SYNE2: variants seen among roughly 807,000 people sequenced by gnomAD.
SYNE2 encodes spectrin repeat containing nuclear envelope protein 2, also known as nesprin-2.
Under a neutral mutation model 856.3 loss-of-function variants are expected in SYNE2, and 431 were observed. That is an observed-to-expected ratio of 0.50 (90% CI 0.47 to 0.55). SYNE2 has a LOEUF of 0.55. Among genes scored for constraint, SYNE2 ranks in the 20% least tolerant of loss-of-function variants. The pLI is 0.00. For missense variants in SYNE2, 8,129 were observed against 8,023.2 expected, an observed-to-expected ratio of 1.01 and a Z score of -0.50; for synonymous variants, 2,923 against 2,872.3, an observed-to-expected ratio of 1.02 and a Z score of -0.56.
intron 1 of SYNE2, among the ~76,000 whole-genome samples, chr14:63,872,664 A>G (rs1252574635): frequency 6.7e-6 from 1 of 149,764 alleles, no homozygotes; most frequent in African/African-American, 2.5e-5. Context: ...TGGGAATCTG[A>G]GGCAGGAGAA....
intron 65 of SYNE2, among the ~76,000 whole-genome samples, chr14:64,107,975 T>C (rs1482350470): frequency 2.0e-5 from 3 of 152,220 alleles, no homozygotes; most frequent in African/African-American, 7.2e-5. Context: ...TAGTTATCTG[T>C]TTAACCCTCA....
intron 1 of SYNE2, among the ~76,000 whole-genome samples, chr14:63,804,051 C>A (rs116492066): frequency 0.02 from 3,098 of 152,278 alleles, 120 homozygotes; most frequent in African/African-American, 0.072. Flanking sequence ...TTCCCATTCA[C>A]CTTCTGCCAT....
At chr14:64,033,634 C>T (rs867309659) in intron 45 of SYNE2, among the ~76,000 whole-genome samples, 4 of 151,676 alleles carry the variant, frequency 2.6e-5, no homozygotes, top group African/African-American at 7.3e-5. Flanking sequence ...TGTAGTGAGC[C>T]GAGATTGTGC....
At position 64,121,048 on chromosome 14, in the gene SYNE2, T is replaced by C. The variant is rs199799931; in HGVS notation, c.13145T>C (p.Phe4382Ser). 1.2e-6 allele frequency: 2 copies of C among 1,613,926 alleles called. No homozygotes were observed. Among genetic ancestry groups the C allele is most frequent in the Non-Finnish European group, 1.7e-6 (2 of 1,179,970 alleles). ...ERPQFSRQKD[F>S]QQQQVLELKP... ...CCACAATTCAGCAGACAAAAAGATT[T>C]CCAGCAGCAACAGGTAATTCTAGCC... Residue 4382 changes from phenylalanine (F) to serine (S), a missense_variant, in exon 68 of 116, where the codon TTC (phenylalanine) becomes TCC (serine). Coordinates refer to ENST00000555002, the MANE Select transcript of SYNE2 (RefSeq NM_182914.3).
chr14:63,867,640 G>A (rs188530931), intron 1 of SYNE2, among the ~76,000 whole-genome samples: 102 of 152,278 alleles, frequency 6.7e-4, no homozygotes, highest in Middle Eastern at 6.8e-3. Context: ...GAAGGTTGCA[G>A]TAAGCCGAGG....
intron 1 of SYNE2, among the ~76,000 whole-genome samples, chr14:63,819,887 A>G (rs560805012): frequency 2.0e-5 from 3 of 152,328 alleles, no homozygotes; most frequent in South Asian, 4.1e-4. Flanking sequence ...GAAACTAGAA[A>G]TCCAGTTACA....
intron 53 of SYNE2, 84 bp from the exon 54 acceptor site, chr14:64,075,861 A>G: frequency 6.9e-7 from 1 of 1,446,890 alleles, no homozygotes; most frequent in Non-Finnish European, 9.7e-7. Flanking sequence ...AATCATAAGG[A>G]TGTGCTGGAA....
intron 103 of SYNE2, 44 bp from the exon 104 acceptor site, chr14:64,211,917 G>A (rs762557529): frequency 1.2e-6 from 2 of 1,613,602 alleles, no homozygotes; most frequent in Non-Finnish European, 1.7e-6. Flanking sequence ...CTGAACTCTT[G>A]TTCCGTGGTC....
intron 27 of SYNE2, 87 bp from the exon 28 acceptor site, chr14:64,000,474 AG>A: frequency 8.3e-7 from 1 of 1,205,876 alleles, no homozygotes; most frequent in Non-Finnish European, 1.2e-6. Flanking sequence ...TTGCTTCCAC[AG>A]TTGGTGAATG....
At chr14:63,904,954 C>A (rs1249963924) in intron 1 of SYNE2, among the ~76,000 whole-genome samples, 1 of 152,058 alleles carries the variant, frequency 6.6e-6, no homozygotes, top group African/African-American at 2.4e-5. Context: ...ACATTTAAAT[C>A]TTTTATCTAT....
At position 64,142,038 on chromosome 14, in the gene SYNE2, C is replaced by T. The variant is rs2039475; in HGVS notation, c.15256C>T (p.His5086Tyr). The change falls in exon 82 of 116, where the codon CAT (histidine) becomes TAT (tyrosine). Residue 5086 changes from histidine (H) to tyrosine (Y), a missense_variant. This residue lies in a region of SYNE2 where 5,410 missense variants were observed against 5,284.8 expected (regional missense o/e 1.02). Coordinates refer to ENST00000555002, the MANE Select transcript of SYNE2 (RefSeq NM_182914.3). ...EHQTSDEDSV[H>Y]SPSSASQVKH... ...TCAAACTTCAGATGAAGACTCCGTG[C>T]ATTCACCAAGTTCTGCATCTCAAGT... 1,826 of 1,614,042 alleles carry T rather than the reference C, an allele frequency of 1.1e-3. 18 individuals are homozygous for T. In the African/African-American group the frequency reaches 0.021, roughly 19 times the overall value.
At chr14:63,948,075 T>A (rs2153426880) in intron 6 of SYNE2, among the ~76,000 whole-genome samples, 1 of 152,294 alleles carries the variant, frequency 6.6e-6, no homozygotes, top group East Asian at 1.9e-4. Flanking sequence ...TTCATTATTA[T>A]TTGCTTTTTG....
At chr14:63,813,297 A>G (rs907327690) in intron 1 of SYNE2, among the ~76,000 whole-genome samples, 2 of 152,214 alleles carry the variant, frequency 1.3e-5, no homozygotes, top group Non-Finnish European at 2.9e-5. Flanking sequence ...ATGTAGAGAG[A>G]AAAATCGTGT....
intron 112 of SYNE2, 98 bp downstream of exon 112, chr14:64,221,802 T>C (rs2098695541): frequency 7.0e-7 from 1 of 1,427,682 alleles, no homozygotes; most frequent in Admixed American, 1.7e-5. Flanking sequence ...TCAGGAACTG[T>C]GCCAGTGGTG....
upstream of SYNE2, chr14:63,848,183 G>A (rs1312932794): frequency 6.6e-6 from 1 of 152,174 alleles, no homozygotes; most frequent in Non-Finnish European, 1.5e-5. Flanking sequence ...CACCTCGTCT[G>A]GCCCTTTCTG....
intron 1 of SYNE2, among the ~76,000 whole-genome samples, chr14:63,800,896 A>G (rs1279395424): frequency 1.3e-5 from 2 of 152,204 alleles, no homozygotes; most frequent in East Asian, 3.8e-4. Context: ...CAATCTGTAC[A>G]ACAAACCCCT....
intron 2 of SYNE2, among the ~76,000 whole-genome samples, chr14:63,914,772 T>A (rs2095514984): frequency 1.3e-5 from 2 of 152,110 alleles, no homozygotes; most frequent in African/African-American, 2.4e-5. Context: ...CTTTATTTAG[T>A]GTGTTTTGTT....
intron 79 of SYNE2, among the ~76,000 whole-genome samples, chr14:64,139,418 T>A (rs1239646354): frequency 6.6e-6 from 1 of 151,838 alleles, no homozygotes; most frequent in Non-Finnish European, 1.5e-5. Context: ...ATTATTATTT[T>A]TTTTTTTATT....
chr14:63,882,559 TAA>T (rs11311787), intron 1 of SYNE2, among the ~76,000 whole-genome samples: 263 of 143,286 alleles, frequency 1.8e-3, no homozygotes, highest in Admixed American at 1.9e-3. Flanking sequence ...CTACACAAAG[TAA>T]AAAAAAAAAA....
Sources: gnomAD v4.1 joint callset for allele counts (sites outside exome capture counted in the v4.1 genomes callset) on GRCh38, gnomAD v4.1.1 for gene constraint, gnomAD v4.1.1 regional missense constraint, MANE v1.5 for transcripts, NCBI Gene and HGNC (gene_info 2026-07-23, HGNC 2026-07-21) for gene names.